The following ARFGAP3 variants were observed in gnomAD, a reference collection of about 807,000 sequenced individuals.
ARFGAP3 encodes ARF GTPase activating protein 3.
In ARFGAP3, 72 loss-of-function variants were observed where a neutral mutation model predicts 75.0. The ratio of observed to expected loss-of-function variants is 0.96; its 90% CI spans 0.79 to 1.17. The LOEUF is 1.17. Ranked by LOEUF, ARFGAP3 falls within the 50% of genes most tolerant of loss-of-function variation. ARFGAP3 has a pLI of 0.00. For missense variants in ARFGAP3, 620 were observed against 626.6 expected (o/e 0.99, Z 0.11); for synonymous variants, 221 against 217.9 (o/e 1.01, Z -0.13).
chr22:42,811,521 C>T (rs1165960305), intron 11 of ARFGAP3, among the ~76,000 whole-genome samples: 14 of 152,176 alleles, frequency 9.2e-5, no homozygotes. Context: ...GTTGGCAATC[C>T]CTTCCGTGTT....
At chr22:42,840,402 T>C (rs150447747) in intron 3 of ARFGAP3, among the ~76,000 whole-genome samples, 21 of 152,184 alleles carry the variant, frequency 1.4e-4, no homozygotes, top group African/African-American at 4.8e-4. Context: ...CTTTCAAGTA[T>C]TGAACTCTTT....
rs114765358 is a variant in ARFGAP3, at chr22:42,857,198, G to A, written c.-16C>T. ...GGTCCCCCATCGTCAGCTGTGAGCC[G>A]CGGCGCAGCTGGCCCAGCCAACCGG... On this transcript the variant is annotated 5_prime_UTR_variant, in exon 1 of 16. Transcript: ENST00000263245. 3,289 of 1,507,554 alleles carry A rather than the reference G, an allele frequency of 2.2e-3. 36 individuals are homozygous for A. The African/African-American group carries it at 0.023, about 11-fold the overall frequency. 93.4% of individuals were successfully genotyped at this position (1,507,554 alleles called of 1,614,324 possible). A position where few individuals can be genotyped will look rare whatever the true frequency, so the allele number is the denominator to read the frequency against.
At chr22:42,805,411 G>C (rs1022086731) in intron 14 of ARFGAP3, among the ~76,000 whole-genome samples, 3 of 152,230 alleles carry the variant, frequency 2.0e-5, no homozygotes, top group African/African-American at 7.2e-5. Flanking sequence ...GAACAATGCA[G>C]GTCTCTGGAC....
In ARFGAP3 at chr22:42,797,271, T is replaced by G. The variant is rs1429487283; in HGVS notation, c.*317A>C. ...TCCTCCCCCACATGAAGCCTCCTGGTTCAGGAGCAGGAGGAGCCGAGGTCT... is the reference window on the plus strand; with the variant it reads ...TCCTCCCCCACATGAAGCCTCCTGGGTCAGGAGCAGGAGGAGCCGAGGTCT... On this transcript the variant is annotated 3_prime_UTR_variant, in exon 16 of 16. Coordinates refer to ENST00000263245, the MANE Select transcript of ARFGAP3 (RefSeq NM_014570.5). 2 of 341,588 alleles carry G rather than the reference T, an allele frequency of 5.9e-6. No individual in the cohort carries two copies. The highest frequency in any genetic ancestry group is 3.6e-5 in the South Asian group (1 of 27,896). 21.2% of individuals were successfully genotyped at this position (341,588 alleles called of 1,614,324 possible).
chr22:42,823,334 C>T (rs1406195275), intron 8 of ARFGAP3, among the ~76,000 whole-genome samples: 2 of 152,090 alleles, frequency 1.3e-5, no homozygotes, highest in African/African-American at 2.4e-5. Flanking sequence ...ACTCACCAGA[C>T]AACCACCCTC....
intron 13 of ARFGAP3, among the ~76,000 whole-genome samples, chr22:42,807,904 C>T (rs1188136534): frequency 3.3e-5 from 5 of 151,506 alleles, no homozygotes; most frequent in African/African-American, 7.3e-5. Context: ...ACCACCATAC[C>T]GAGCTAATTT....
At chr22:42,850,273 T>A (rs1424054818) in intron 1 of ARFGAP3, among the ~76,000 whole-genome samples, 1 of 151,612 alleles carries the variant, frequency 6.6e-6, no homozygotes, top group Non-Finnish European at 1.5e-5. Flanking sequence ...GAAAAAAAAA[T>A]ACATATTAGA....
At chr22:42,819,001 C>T (rs1392514676) in intron 9 of ARFGAP3, among the ~76,000 whole-genome samples, 4 of 151,808 alleles carry the variant, frequency 2.6e-5, no homozygotes, top group Admixed American at 6.6e-5. Flanking sequence ...TTAGTAGAGA[C>T]GAGGTTTCAC....
At position 42,857,105 on chromosome 22, in the gene ARFGAP3, G is replaced by A; in HGVS notation, c.69+9C>T. On this transcript the variant is annotated intron_variant, in intron 1 of 15. Transcript: ENST00000263245. ...GCCAGGCAGGCCCGCACTCGCCCGCGGCCGCTACCTTGTTAGTGGGCACCG... is the reference window on the plus strand; with the variant it reads ...GCCAGGCAGGCCCGCACTCGCCCGCAGCCGCTACCTTGTTAGTGGGCACCG... 1.3e-6 allele frequency: 2 copies of A among 1,505,388 alleles called. No individual in the cohort carries two copies. Among genetic ancestry groups the A allele is most frequent in the Non-Finnish European group, 1.8e-6 (2 of 1,125,626 alleles). The allele number at this position is 1,505,388 out of a possible 1,614,324, so 93.3% of individuals were successfully genotyped here.
At chr22:42,843,871 G>C (rs778997830) in intron 2 of ARFGAP3, among the ~76,000 whole-genome samples, 21 of 152,180 alleles carry the variant, frequency 1.4e-4, no homozygotes, top group Non-Finnish European at 2.5e-4. Context: ...GTTCAATCTG[G>C]TCCACTCTGG....
chr22:42,856,644 G>A (rs1161189276), intron 1 of ARFGAP3, among the ~76,000 whole-genome samples: 1 of 152,208 alleles, frequency 6.6e-6, no homozygotes, highest in African/African-American at 2.4e-5. Context: ...ACTGAGGCAG[G>A]CACCGCAAGG....
chr22:42,850,590 A>G lies in ARFGAP3; in HGVS notation c.70-2958T>C, dbSNP rs867575072. On this transcript the variant is annotated intron_variant, in intron 1 of 15. Coordinates refer to ENST00000263245, the MANE Select transcript of ARFGAP3 (RefSeq NM_014570.5). Reference sequence around the variant, plus strand: ...TGCTATCAAAAAAAAAAAAAAAAAAAAAAAAAAGATATACTTTATAGGCAG... The same window carrying G: ...TGCTATCAAAAAAAAAAAAAAAAAAGAAAAAAAGATATACTTTATAGGCAG... Among the ~76,000 whole-genome samples, 19 of 151,422 alleles carry G rather than the reference A, an allele frequency of 1.3e-4. 1 individual carries two copies. The East Asian group carries it at 3.1e-3, about 25-fold the overall frequency.
intron 11 of ARFGAP3, among the ~76,000 whole-genome samples, chr22:42,815,093 A>G (rs1474952491): frequency 1.3e-5 from 2 of 152,192 alleles, no homozygotes; most frequent in Non-Finnish European, 2.9e-5. Flanking sequence ...ATAAGCAGTG[A>G]AATAATCAAA....
At chr22:42,823,784 C>T (rs1459880081) in intron 7 of ARFGAP3, 82 bp from the exon 8 acceptor site, 4 of 1,306,618 alleles carry the variant, frequency 3.1e-6, no homozygotes, top group Non-Finnish European at 4.1e-6. Flanking sequence ...TTCTAAGATA[C>T]TGCACTTTAT....
chr22:42,843,486 C>T (rs994140833), intron 2 of ARFGAP3, among the ~76,000 whole-genome samples: 4 of 152,254 alleles, frequency 2.6e-5, no homozygotes, highest in South Asian at 4.1e-4. Context: ...CCTCCCACCC[C>T]GGCCTCCCAA....
Position 42,840,952 on chromosome 22 carries a change from C to T in ARFGAP3, c.253G>A (p.Ala85Thr), listed in dbSNP as rs751232779. The part of the protein sequence containing the change: ...QLRCMQVGGN[A>T]SASSFFHQHG... ...GTTTGAGATGAACTTACTGCACTAG[C>T]GTTTCCTCCGACTTGCATGCATCGC... Residue 85 changes from alanine (A) to threonine (T), a missense_variant, in exon 3 of 16, where the codon GCT (alanine) becomes ACT (threonine). Physicochemically the swap from Ala to Thr is moderately conservative, Grantham distance 58. Coordinates refer to ENST00000263245, the MANE Select transcript of ARFGAP3 (RefSeq NM_014570.5). 6 of 1,614,004 alleles carry T rather than the reference C, an allele frequency of 3.7e-6. No individual in the cohort carries two copies. The East Asian group carries it at 6.7e-5, about 18-fold the overall frequency.
In ARFGAP3 at chr22:42,811,119, A is replaced by G. The variant is rs796782866; in HGVS notation, c.1065-175T>C. The G allele has an allele frequency of 5.0e-5, 30 of 597,472 alleles. No individual in the cohort carries two copies. In the African/African-American group the frequency reaches 6.1e-4, roughly 12 times the overall value. 37.0% of individuals were successfully genotyped at this position (597,472 alleles called of 1,614,324 possible). A position where few individuals can be genotyped will look rare whatever the true frequency, so the allele number is the denominator to read the frequency against. On this transcript the variant is annotated intron_variant, in intron 11 of 15. Transcript: ENST00000263245. The stretch of plus-strand genomic sequence containing the variant: ...AGGTGTGTCATTTCCAAGGCCTTTC[A>G]AGTACCTGTGTTCAACCTTGCCCAG...
chr22:42,817,197 G>A lies in ARFGAP3; in HGVS notation c.1009C>T (p.Pro337Ser). Residue 337 changes from proline to serine, a missense_variant, in exon 11 of 16, where the codon CCA (proline) becomes TCA (serine). Transcript: ENST00000263245. ...IEQESPIMAK[P>S]RKKYNDDSDD... ...CTGTCATCATTATACTTTTTTCTTG[G>A]TTTTGCCATAATGGGTGATTCCTGC... 1.9e-6 allele frequency: 3 copies of A among 1,613,452 alleles called. No individual in the cohort carries two copies. The highest frequency in any genetic ancestry group is 1.7e-6 in the Non-Finnish European group (2 of 1,179,726).
chr22:42,832,876 T>G (rs1018048296), intron 5 of ARFGAP3, among the ~76,000 whole-genome samples: 1 of 151,774 alleles, frequency 6.6e-6, no homozygotes, highest in African/African-American at 2.4e-5. Flanking sequence ...TCCCAGCTAG[T>G]TGGGAGGCTG....
Sources: gnomAD v4.1 joint callset for allele counts (sites outside exome capture counted in the v4.1 genomes callset) on GRCh38, gnomAD v4.1.1 for gene constraint, MANE v1.5 for transcripts, NCBI Gene and HGNC (gene_info 2026-07-23, HGNC 2026-07-21) for gene names.